The following PLEKHA2 variants were observed in gnomAD, a reference collection of about 807,000 sequenced individuals.
PLEKHA2 encodes the protein pleckstrin homology domain containing A2, also known as pleckstrin homology domain-containing family A member 2.
A neutral mutation model predicts 53.2 loss-of-function variants in PLEKHA2; 28 were observed. The ratio of observed to expected loss-of-function variants is 0.53; its 90% CI spans 0.39 to 0.72. PLEKHA2 has a LOEUF of 0.72. Among genes scored for constraint, PLEKHA2 ranks in the 30% least tolerant of loss-of-function variants. The pLI is 0.00. For missense variants in PLEKHA2, 426 were observed against 537.9 expected, an observed-to-expected ratio of 0.79 and a Z score of 2.06; for synonymous variants, 193 against 196.4, an observed-to-expected ratio of 0.98 and a Z score of 0.14.
chr8:38,969,665 G>C lies in PLEKHA2; in HGVS notation c.1160G>C (p.Ser387Thr), dbSNP rs1388831636. The C allele has an allele frequency of 6.3e-7, 1 of 1,589,846 alleles. No individual in the cohort carries two copies. Among genetic ancestry groups the C allele is most frequent in the East Asian group, 2.3e-5 (1 of 43,548 alleles). Residue 387 changes from serine to threonine, a missense_variant, in exon 12 of 12, where the codon AGC becomes ACC. By Grantham distance (58) the Ser-to-Thr change is moderately conservative (BLOSUM62 1). Coordinates refer to ENST00000617275, the MANE Select transcript of PLEKHA2 (RefSeq NM_021623.2). ...SLFTPRPGEG[S>T]APGVLPSSRI... ...TTCACGCCTCGTCCTGGGGAGGGCA[G>C]CGCTCCTGGGGTGCTGCCCAGCTCC...
rs375872605 is a variant in PLEKHA2 at position 38,928,539 on chromosome 8, G to A, written c.142-7455G>A. ...GTTGAGATTACAGGCATGAATCACC[G>A]CGCCCGGCCCGACCTGGTCTTTAAG... On this transcript the variant is annotated intron_variant, in intron 2 of 11. Transcript: ENST00000617275. Among the ~76,000 whole-genome samples the A allele has an allele frequency of 9.2e-5, 14 of 151,986 alleles. 1 individual carries two copies. The highest frequency in any genetic ancestry group is 2.7e-4 in the African/African-American group (11 of 41,436).
chr8:38,954,186 T>A (rs141587249), intron 9 of PLEKHA2, among the ~76,000 whole-genome samples: 678 of 152,254 alleles, frequency 4.5e-3, no homozygotes, highest in Non-Finnish European at 7.1e-3. Context: ...TCTTCTCCCA[T>A]GAAGGCACAA....
intron 5 of PLEKHA2, 197 bp from the exon 6 acceptor site, chr8:38,950,653 T>C: frequency 1.9e-6 from 1 of 514,826 alleles, no homozygotes; most frequent in Non-Finnish European, 3.3e-6. Flanking sequence ...AGTCAGTTTG[T>C]ATCTGTGTAG....
chr8:38,945,180 C>T (rs114193034), intron 4 of PLEKHA2, among the ~76,000 whole-genome samples: 3 of 152,200 alleles, frequency 2.0e-5, no homozygotes, highest in Non-Finnish European at 4.4e-5. Context: ...GTGCTAAGTG[C>T]TATGAGCAAA....
intron 1 of PLEKHA2, among the ~76,000 whole-genome samples, chr8:38,916,543 T>C (rs1409498617): frequency 6.6e-6 from 1 of 152,322 alleles, no homozygotes; most frequent in Middle Eastern, 3.4e-3. Flanking sequence ...GCTCTCTTAT[T>C]TCACACTTAA....
chr8:38,969,308 T>C lies in PLEKHA2; in HGVS notation c.916-113T>C, dbSNP rs978349123. On this transcript the variant is annotated intron_variant, in intron 11 of 11. Transcript: ENST00000617275. Reference sequence around the variant, plus strand: ...ATTTCATTTTTGTAGGCAAGCATCCTTGGACTTATGAGGTGGTGATCCTGG... The same window carrying C: ...ATTTCATTTTTGTAGGCAAGCATCCCTGGACTTATGAGGTGGTGATCCTGG... 5.4e-6 allele frequency: 7 copies of C among 1,285,604 alleles called. No homozygotes were observed. The African/African-American group carries it at 7.5e-5, about 14-fold the overall frequency. The allele number at this position is 1,285,604 out of a possible 1,614,324, so 79.6% of individuals were successfully genotyped here. A position where few individuals can be genotyped will look rare whatever the true frequency, so the allele number is the denominator to read the frequency against.
intron 1 of PLEKHA2, among the ~76,000 whole-genome samples, chr8:38,908,388 G>A (rs118109733): frequency 0.013 from 1,967 of 152,310 alleles, 23 homozygotes; most frequent in Middle Eastern, 0.024. Context: ...ATTAGGTTTA[G>A]GTCTTTAAAA....
At chr8:38,913,845 G>A (rs1013159294) in intron 1 of PLEKHA2, among the ~76,000 whole-genome samples, 1 of 152,200 alleles carries the variant, frequency 6.6e-6, no homozygotes, top group Non-Finnish European at 1.5e-5. Flanking sequence ...CCTCATTACT[G>A]GCTTGTGCCC....
chr8:38,919,942 G>A (rs72638503), intron 2 of PLEKHA2, among the ~76,000 whole-genome samples: 28 of 152,222 alleles, frequency 1.8e-4, no homozygotes, highest in South Asian at 6.2e-4. Context: ...CAGGCCCTGC[G>A]ATATCATTTT....
At chr8:38,931,652 G>A (rs1834395268) in intron 2 of PLEKHA2, among the ~76,000 whole-genome samples, 2 of 152,142 alleles carry the variant, frequency 1.3e-5, no homozygotes, top group Admixed American at 1.3e-4. Flanking sequence ...GAACTCAGTG[G>A]GCTTGTATGG....
chr8:38,920,133 G>C (rs1013093363), intron 2 of PLEKHA2, among the ~76,000 whole-genome samples: 12 of 151,300 alleles, frequency 7.9e-5, no homozygotes, highest in African/African-American at 2.4e-4. Context: ...CACCATGCCC[G>C]GCTAATTTTT....
intron 3 of PLEKHA2, among the ~76,000 whole-genome samples, chr8:38,940,050 C>T (rs1445906421): frequency 2.0e-5 from 3 of 146,966 alleles, no homozygotes; most frequent in Non-Finnish European, 3.0e-5. Flanking sequence ...GCCATGACTG[C>T]ACCTCCACAC....
At chr8:38,936,128 C>T in intron 3 of PLEKHA2, 78 bp downstream of exon 3, 1 of 1,465,322 alleles carries the variant, frequency 6.8e-7, no homozygotes, top group Non-Finnish European at 9.5e-7. Flanking sequence ...GTGTCCAGTC[C>T]TTTGGGCATT....
chr8:38,917,995 C>A lies in PLEKHA2; in HGVS notation c.66C>A (p.Ser22Arg). ...TGGACATCGAGGAGCATGAGAACAG[C>A]GGCAAGTTTCTGCGGAGGTACTTCA... is the stretch of plus-strand genomic sequence containing the variant. ...GFLDIEEHENSGKFLRRYFIL... is the reference protein window; with the variant it reads ...GFLDIEEHENRGKFLRRYFIL... The change falls in exon 2 of 12, where the codon AGC (serine) becomes AGA (arginine). Residue 22 changes from serine to arginine, a missense_variant. Ser to Arg is a moderately radical substitution (Grantham distance 110, BLOSUM62 -1). Coordinates refer to ENST00000617275, the MANE Select transcript of PLEKHA2 (RefSeq NM_021623.2). 6.2e-7 allele frequency: 1 copy of A among 1,613,598 alleles called. No individual in the cohort carries two copies. Among genetic ancestry groups the A allele is most frequent in the Middle Eastern group, 1.7e-4 (1 of 6,058 alleles).
rs753210270 is a variant in PLEKHA2 at position 38,957,317 on chromosome 8, G to A, written c.774-6G>A. 2 of 1,609,330 alleles carry A rather than the reference G, an allele frequency of 1.2e-6. No individual in the cohort carries two copies. The highest frequency in any genetic ancestry group is 2.7e-5 in the African/African-American group (2 of 74,788). On this transcript the variant is annotated splice_polypyrimidine_tract_variant and splice_region_variant and intron_variant, in intron 9 of 11. Coordinates refer to ENST00000617275, the MANE Select transcript of PLEKHA2 (RefSeq NM_021623.2). Reference sequence around the variant, plus strand: ...GCCATAACATTCTTTCTCTTTCTCTGTCTAGTGATCTCTTAATGAGGGACA... The same window carrying A: ...GCCATAACATTCTTTCTCTTTCTCTATCTAGTGATCTCTTAATGAGGGACA...
At chr8:38,953,552 C>T (rs1031813832) in intron 9 of PLEKHA2, among the ~76,000 whole-genome samples, 185 bp downstream of exon 9, 1 of 152,230 alleles carries the variant, frequency 6.6e-6, no homozygotes, top group Non-Finnish European at 1.5e-5. Flanking sequence ...GCCCTGGGCA[C>T]ACTTGCCCTC....
In PLEKHA2 at chr8:38,907,276, T is replaced by G. The variant is rs62504360; in HGVS notation, c.-24+5831T>G. Among the ~76,000 whole-genome samples the G allele has an allele frequency of 3.3e-3, 509 of 152,352 alleles. 2 individuals are homozygous for G. The highest frequency in any genetic ancestry group is 0.01 in the Middle Eastern group (3 of 294). On this transcript the variant is annotated intron_variant, in intron 1 of 11. Transcript: ENST00000617275. ...ACTGAGGTTGTAGTAATTTTGTACTTCAGCCAATACCACTGAAGGCTTTAT... is the reference window on the plus strand; with the variant it reads ...ACTGAGGTTGTAGTAATTTTGTACTGCAGCCAATACCACTGAAGGCTTTAT...
At chr8:38,936,976 C>T (rs929662812) in intron 3 of PLEKHA2, among the ~76,000 whole-genome samples, 9 of 152,312 alleles carry the variant, frequency 5.9e-5, no homozygotes, top group African/African-American at 2.2e-4. Context: ...GCCTGGGGGC[C>T]CCTGAGCCAA....
intron 2 of PLEKHA2, among the ~76,000 whole-genome samples, chr8:38,930,962 C>T (rs746729618): frequency 1.3e-5 from 2 of 152,140 alleles, no homozygotes; most frequent in Non-Finnish European, 2.9e-5. Context: ...ATGAAGCATG[C>T]GTCTTAGTTT....
Sources: allele counts gnomAD v4.1 joint callset (sites outside exome capture counted in the v4.1 genomes callset), GRCh38; gene constraint gnomAD v4.1.1; transcripts MANE v1.5; gene names NCBI Gene and HGNC (gene_info 2026-07-23, HGNC 2026-07-21).